Variants in TIAM1 observed in about 807,000 individuals in gnomAD.
The protein encoded by TIAM1 is TIAM Rac1 associated GEF 1, also known as rho guanine nucleotide exchange factor TIAM1.
Under a neutral mutation model 163.5 loss-of-function variants are expected in TIAM1, and 65 were observed. That is an observed-to-expected ratio of 0.40 (90% confidence interval 0.33 to 0.49). TIAM1 has a LOEUF of 0.49. TIAM1 is among the 20% of genes least tolerant of loss of function. The probability of loss-of-function intolerance (pLI) is 0.77; values close to 1 mark genes in which losing one functional copy is unlikely to be tolerated. For synonymous variants in TIAM1, 833 were observed against 810.1 expected, an observed-to-expected ratio of 1.03 and a Z score of -0.48; for missense variants, 1,789 against 2,044.7, an observed-to-expected ratio of 0.87 and a Z score of 2.41.
chr21:31,475,427 G>C (rs1236603628), intron 1 of TIAM1, among the ~76,000 whole-genome samples: 1 of 152,094 alleles, frequency 6.6e-6, no homozygotes, highest in African/African-American at 2.4e-5. Context: ...AGCTACATAG[G>C]GTTTGGCGAC....
intron 10 of TIAM1, chr21:31,213,137 T>A: frequency 2.6e-6 from 1 of 390,298 alleles, no homozygotes; most frequent in Non-Finnish European, 4.5e-6. Context: ...AATTTCCTCT[T>A]ACATTCTAGT....
chr21:31,452,587 G>T, intron 2 of TIAM1: 1 of 583,570 alleles, frequency 1.7e-6, no homozygotes. Flanking sequence ...TCCTGGAATC[G>T]ATATAGCACT....
At chr21:31,155,001 A>G (rs1484615469) in intron 16 of TIAM1, among the ~76,000 whole-genome samples, 1 of 152,214 alleles carries the variant, frequency 6.6e-6, no homozygotes, top group Non-Finnish European at 1.5e-5. Context: ...AAAGATACCC[A>G]TACTTAAATA....
In TIAM1 at chr21:31,409,112, C is replaced by CTTTT. The variant is rs200352360; in HGVS notation, c.-369+54867_-369+54870dup. Among the ~76,000 whole-genome samples, 1,102 of 141,096 alleles carry CTTTT rather than the reference C, an allele frequency of 7.8e-3. 14 individuals are homozygous for CTTTT. Among genetic ancestry groups the CTTTT allele is most frequent in the African/African-American group, 0.026 (988 of 38,020 alleles). 92.6% of individuals were successfully genotyped at this position (141,096 alleles called of 152,430 possible). A position where few individuals can be genotyped will look rare whatever the true frequency, so the allele number is the denominator to read the frequency against. On this transcript the variant is annotated intron_variant, in intron 2 of 28. Coordinates refer to the TIAM1 transcript ENST00000286827. Reference sequence around the variant, plus strand: ...GCAGCAACTCAGACCTTCTCCTTTTCTTTTTTTTTTTTTTTTGAGACGAAG... The same window carrying CTTTT: ...GCAGCAACTCAGACCTTCTCCTTTTCTTTTTTTTTTTTTTTTTTTTGAGACGAAG...
chr21:31,140,970 T>C (rs2082820369), intron 22 of TIAM1, 148 bp downstream of exon 22: 2 of 604,406 alleles, frequency 3.3e-6, no homozygotes, highest in African/African-American at 3.7e-5. Context: ...CAGCCTTGGA[T>C]AAAGCACAGA....
intron 26 of TIAM1, among the ~76,000 whole-genome samples, chr21:31,126,566 CAATAAATA>C (rs546029364): frequency 6.6e-6 from 1 of 151,282 alleles, no homozygotes; most frequent in African/African-American, 2.4e-5. Context: ...GGCTCTGTTT[CAATAAATA>C]AATAAATAAA....
chr21:31,191,670 C>T (rs1455580234), intron 13 of TIAM1, among the ~76,000 whole-genome samples: 6 of 152,180 alleles, frequency 3.9e-5, no homozygotes, highest in Non-Finnish European at 8.8e-5. Flanking sequence ...TTCTTTACAT[C>T]GGATGAGTTG....
intron 1 of TIAM1, among the ~76,000 whole-genome samples, chr21:31,527,986 T>A (rs747280997): frequency 1.3e-5 from 2 of 152,202 alleles, no homozygotes; most frequent in Non-Finnish European, 2.9e-5. Flanking sequence ...CTGTTGTTGA[T>A]ACAAGTGTTA....
In TIAM1 at chr21:31,441,516, C is replaced by T. The variant is rs140015319; in HGVS notation, c.-369+22467G>A. ...GGCAATGTTGGAAGGCACAAGTTGG[C>T]GATAGCAGAGCCACAATATGGAAGG... On this transcript the variant is annotated intron_variant, in intron 2 of 28. Transcript: ENST00000286827. Among the ~76,000 whole-genome samples the T allele has an allele frequency of 1.9e-4, 29 of 152,216 alleles. No homozygotes were observed. In the East Asian group the frequency reaches 4.3e-3, roughly 22 times the overall value.
Position 31,397,530 on chromosome 21 carries a change from T to C in TIAM1, c.-368-58108A>G, listed in dbSNP as rs2077093323. 2.6e-5 allele frequency among the ~76,000 whole-genome samples: 4 copies of C among 152,204 alleles called. No homozygotes were observed. In the South Asian group the frequency reaches 8.3e-4, roughly 32 times the overall value. On this transcript the variant is annotated intron_variant, in intron 2 of 28. Transcript: ENST00000286827. ...ACATTTCTAATTTAAATCATGAAAA[T>C]CACATTGACCAAATCAGCTCCTGGT... is the stretch of plus-strand genomic sequence containing the variant.
chr21:31,259,428 C>T (rs1698398779), intron 4 of TIAM1, among the ~76,000 whole-genome samples: 1 of 151,996 alleles, frequency 6.6e-6, no homozygotes, highest in African/African-American at 2.4e-5. Flanking sequence ...TGAGCCAATG[C>T]ACCCGACCTA....
chr21:31,403,566 C>T (rs73358808), intron 2 of TIAM1, among the ~76,000 whole-genome samples: 6 of 152,244 alleles, frequency 3.9e-5, no homozygotes, highest in Non-Finnish European at 5.9e-5. Context: ...ATTCAGGTAG[C>T]GCTACAGAAC....
At chr21:31,248,499 A>C (rs781182208) in intron 5 of TIAM1, among the ~76,000 whole-genome samples, 1 of 152,178 alleles carries the variant, frequency 6.6e-6, no homozygotes, top group Non-Finnish European at 1.5e-5. Flanking sequence ...CTGGAACATA[A>C]TCTGTACGTT....
chr21:31,470,257 A>T (rs377746142), intron 1 of TIAM1, among the ~76,000 whole-genome samples: 2 of 151,918 alleles, frequency 1.3e-5, no homozygotes, highest in Non-Finnish European at 2.9e-5. Flanking sequence ...TGCCCACCTC[A>T]GCCTCCCATA....
Position 31,251,729 on chromosome 21 carries a change from C to T in TIAM1, c.1411+13G>A. On this transcript the variant is annotated intron_variant, in intron 5 of 27. Coordinates refer to ENST00000541036, the MANE Select transcript of TIAM1 (RefSeq NM_001353694.2). The stretch of plus-strand genomic sequence containing the variant: ...GTGCATTTGGCACATAGCCGGGGCC[C>T]TCCCGCTCTCACCTTTCAGGGACAC... 2 of 1,567,792 alleles carry T rather than the reference C, an allele frequency of 1.3e-6. No individual in the cohort carries two copies. The highest frequency in any genetic ancestry group is 1.7e-6 in the Non-Finnish European group (2 of 1,152,346).
intron 10 of TIAM1, chr21:31,213,169 G>T: frequency 4.5e-6 from 2 of 441,922 alleles, no homozygotes; most frequent in Non-Finnish European, 3.9e-6. Context: ...ACATCAAATG[G>T]TAAGTATGGG....
At chr21:31,315,355 A>G (rs901170154) in intron 2 of TIAM1, among the ~76,000 whole-genome samples, 4 of 152,012 alleles carry the variant, frequency 2.6e-5, no homozygotes, top group African/African-American at 9.7e-5. Flanking sequence ...TCTACTAAAA[A>G]TACAAAAAAA....
chr21:31,447,990 A>C (rs2044691334), intron 2 of TIAM1, among the ~76,000 whole-genome samples: 1 of 152,184 alleles, frequency 6.6e-6, no homozygotes, highest in Non-Finnish European at 1.5e-5. Flanking sequence ...GGCAGGAGAA[A>C]TTCCCCCTCA....
At position 31,335,653 on chromosome 21, in the gene TIAM1, C is replaced by T. The variant is rs141266503; in HGVS notation, c.-189+3590G>A. On this transcript the variant is annotated intron_variant, in intron 2 of 27. Transcript: ENST00000541036. ...CTGGGAGGCGGAGGTTGCAGTGAGC[C>T]GAGATCACACCACTGCACTCCAGCC... Among the ~76,000 whole-genome samples the T allele has an allele frequency of 6.8e-3, 1,022 of 150,116 alleles. 4 individuals are homozygous for T. Among genetic ancestry groups the T allele is most frequent in the African/African-American group, 0.021 (856 of 40,332 alleles).
Sources: gnomAD v4.1 joint callset for allele counts (sites outside exome capture counted in the v4.1 genomes callset) on GRCh38, gnomAD v4.1.1 for gene constraint, MANE v1.5 for transcripts, NCBI Gene and HGNC (gene_info 2026-07-23, HGNC 2026-07-21) for gene names.